The following DRC3 variants were observed in gnomAD, a reference collection of about 807,000 sequenced individuals.
DRC3 encodes leucine rich repeat containing 48.
A neutral mutation model predicts 57.6 loss-of-function variants in DRC3; 45 were observed. That is an observed-to-expected ratio of 0.78 (90% CI 0.62 to 1.00). The LOEUF (loss-of-function observed/expected upper bound fraction) is 1.00, where lower values mean the gene tolerates loss of function less well. Ranked by LOEUF, DRC3 falls within the 50% of genes least tolerant of loss-of-function variation. DRC3 has a pLI of 0.00. For missense variants in DRC3, 655 were observed against 675.2 expected (o/e 0.97, Z 0.33); for synonymous variants, 257 against 272.3 (o/e 0.94, Z 0.55).
rs190717076 is a variant in DRC3, at chr17:18,016,750, G to A, written c.*79G>A. ...AGAAGGAAGTGCACACGCCTCACCCGCACCTCTAGAGAGTTGCTGGGCATC... is the reference window on the plus strand; with the variant it reads ...AGAAGGAAGTGCACACGCCTCACCCACACCTCTAGAGAGTTGCTGGGCATC... On this transcript the variant is annotated 3_prime_UTR_variant, in exon 14 of 14. Coordinates refer to ENST00000399187, the MANE Select transcript of DRC3 (RefSeq NM_031294.4). The A allele has an allele frequency of 6.9e-4, 587 of 855,854 alleles. 1 individual carries two copies. The African/African-American group carries it at 7.0e-3, about 10-fold the overall frequency. 53.0% of individuals were successfully genotyped at this position (855,854 alleles called of 1,614,324 possible).
At chr17:17,982,834 A>G (rs933298634) in intron 3 of DRC3, among the ~76,000 whole-genome samples, 1 of 152,144 alleles carries the variant, frequency 6.6e-6, no homozygotes, top group Non-Finnish European at 1.5e-5. Flanking sequence ...TCGGCCTCCC[A>G]AAGTGCTGTG....
chr17:17,995,394 T>C (rs11656675), intron 8 of DRC3, among the ~76,000 whole-genome samples: 9,825 of 152,274 alleles, frequency 0.065, 409 homozygotes, highest in African/African-American at 0.12. Flanking sequence ...GAGAAATGGA[T>C]TGAAATGTGT....
intron 9 of DRC3, among the ~76,000 whole-genome samples, chr17:18,002,140 C>T (rs140232670): frequency 0.028 from 4,318 of 151,876 alleles, 84 homozygotes; most frequent in Non-Finnish European, 0.038. Flanking sequence ...TGCACTCCAG[C>T]CTGGGTGACA....
At chr17:18,012,424 A>C (rs1031269408) in intron 12 of DRC3, among the ~76,000 whole-genome samples, 1 of 152,230 alleles carries the variant, frequency 6.6e-6, no homozygotes, top group African/African-American at 2.4e-5. Context: ...TCATGCCTGT[A>C]ATCCCAGCAC....
At chr17:18,016,001 G>A (rs1009269271) in intron 12 of DRC3, 63 bp from the exon 13 acceptor site, 3 of 1,578,544 alleles carry the variant, frequency 1.9e-6, no homozygotes, top group Admixed American at 1.7e-5. Flanking sequence ...TCTCTGTTCA[G>A]CTCCCTTTGT....
intron 3 of DRC3, among the ~76,000 whole-genome samples, chr17:17,980,871 G>A (rs368116521): frequency 2.0e-5 from 3 of 152,258 alleles, no homozygotes; most frequent in African/African-American, 7.2e-5. Context: ...GGGATTACAC[G>A]TGTGAGCCAC....
At chr17:17,997,378 G>A in intron 8 of DRC3, 82 bp from the exon 9 acceptor site, 1 of 1,354,486 alleles carries the variant, frequency 7.4e-7, no homozygotes, top group Non-Finnish European at 1.0e-6. Context: ...TCTGTGCACT[G>A]TGCCAGGGTT....
In DRC3 at chr17:18,001,589, G is replaced by A. The variant is rs939264563; in HGVS notation, c.1000-2774G>A. ...GAATGGCAAATATTTTTCCCGGTTT[G>A]TGTTTTATCTTGCAATGTTGTCTGT... is the stretch of plus-strand genomic sequence containing the variant. On this transcript the variant is annotated intron_variant, in intron 9 of 13. Transcript: ENST00000399187. Among the ~76,000 whole-genome samples the A allele has an allele frequency of 3.9e-4, 60 of 152,126 alleles. 1 individual carries two copies. Among genetic ancestry groups the A allele is most frequent in the Non-Finnish European group, 1.5e-5 (1 of 68,024 alleles).
intron 7 of DRC3, 85 bp downstream of exon 7, chr17:17,994,503 C>T (rs2043372876): frequency 4.0e-6 from 6 of 1,487,708 alleles, no homozygotes; most frequent in Non-Finnish European, 5.4e-6. Context: ...CCTCAGGGAT[C>T]CCCAGGCTCT....
chr17:18,007,625 GC>G (rs2044028966), intron 12 of DRC3: 1 of 1,411,164 alleles, frequency 7.1e-7, no homozygotes, highest in African/African-American at 1.5e-5. Flanking sequence ...AGCAGGGTCG[GC>G]CTGAGGAACC....
At chr17:17,975,816 GCTATGCCTCCCCTGGAAGCAAGAGA>G (rs1262071799) in intron 2 of DRC3, among the ~76,000 whole-genome samples, 1 of 152,182 alleles carries the variant, frequency 6.6e-6, no homozygotes, top group Non-Finnish European at 1.5e-5. Flanking sequence ...GGGTGTGGAG[GCTATGCCTCCCCTGGAAGCAAGAGA>G]GAAGTGTGCA....
intron 3 of DRC3, 101 bp downstream of exon 3, chr17:17,977,859 A>C: frequency 7.8e-7 from 1 of 1,282,068 alleles, no homozygotes. Flanking sequence ...TCCACGGTCG[A>C]GGTTCCCACA....
intron 3 of DRC3, among the ~76,000 whole-genome samples, chr17:17,980,008 G>T (rs2042583277): frequency 6.6e-6 from 1 of 151,800 alleles, no homozygotes; most frequent in African/African-American, 2.4e-5. Context: ...AGCTCTAAGG[G>T]AAGGGCAGTC....
At chr17:18,006,863 T>G in intron 11 of DRC3, 161 bp from the exon 12 acceptor site, 2 of 1,106,774 alleles carry the variant, frequency 1.8e-6, no homozygotes, top group East Asian at 2.8e-5. Context: ...GGGCAGGGAG[T>G]CGAGGAAGGC....
intron 9 of DRC3, 21 bp downstream of exon 9, chr17:17,997,655 G>T: frequency 6.4e-7 from 1 of 1,567,412 alleles, no homozygotes. Flanking sequence ...AGCCTCCTGA[G>T]GCCCTCCCTG....
chr17:17,980,233 T>C (rs374438757), intron 3 of DRC3, among the ~76,000 whole-genome samples: 194 of 151,868 alleles, frequency 1.3e-3, no homozygotes, highest in African/African-American at 4.5e-3. Flanking sequence ...AAACGGCAGC[T>C]GGACTGTATG....
At chr17:18,005,835 T>G in intron 10 of DRC3, 1 of 284,266 alleles carries the variant, frequency 3.5e-6, no homozygotes, top group Non-Finnish European at 6.8e-6. Flanking sequence ...TCCCTGGAGG[T>G]GATGCACAGA....
Position 18,006,358 on chromosome 17 carries a change from C to T in DRC3, c.1202+105C>T, listed in dbSNP as rs2043951442. 3.7e-6 allele frequency: 3 copies of T among 805,562 alleles called. No individual in the cohort carries two copies. The South Asian group carries it at 4.5e-5, about 12-fold the overall frequency. The allele number at this position is 805,562 out of a possible 1,614,324, so 49.9% of individuals were successfully genotyped here. ...TGTTCCACAGGGTCTGAGGAGGTTT[C>T]CCGACCCTCAGAACAATGATGGCCT... On this transcript the variant is annotated intron_variant, in intron 11 of 13. Transcript: ENST00000399187.
At chr17:17,979,462 T>C (rs143293752) in intron 3 of DRC3, among the ~76,000 whole-genome samples, 66 of 152,308 alleles carry the variant, frequency 4.3e-4, no homozygotes, top group Middle Eastern at 3.4e-3. Flanking sequence ...CAGTGAGTGA[T>C]GACCACAGGC....
Sources: gnomAD v4.1 joint callset for allele counts (sites outside exome capture counted in the v4.1 genomes callset) on GRCh38, gnomAD v4.1.1 for gene constraint, MANE v1.5 for transcripts, NCBI Gene and HGNC (gene_info 2026-07-23, HGNC 2026-07-21) for gene names.